Variants in BTBD9 observed in about 807,000 individuals in gnomAD.
The protein encoded by BTBD9 is BTB/POZ domain-containing protein 9.
In BTBD9, 49 loss-of-function variants were observed where a neutral mutation model predicts 64.3. The ratio of observed to expected loss-of-function variants is 0.76; its 90% CI spans 0.61 to 0.97. The LOEUF is 0.97. BTBD9 is among the 50% of genes least tolerant of loss of function. The pLI, the probability that BTBD9 is intolerant of heterozygous loss-of-function variation, is 0.00. For missense variants in BTBD9, 598 were observed against 762.1 expected, an observed-to-expected ratio of 0.78 and a Z score of 2.53; for synonymous variants, 260 against 274.7, an observed-to-expected ratio of 0.95 and a Z score of 0.53.
chr6:38,316,071 C>T (rs1451449128), intron 7 of BTBD9, among the ~76,000 whole-genome samples: 3 of 152,096 alleles, frequency 2.0e-5, no homozygotes, highest in Non-Finnish European at 4.4e-5. Flanking sequence ...TCTTATTTGT[C>T]TCTTTTTATA....
chr6:38,585,500 G>A (rs1776475241), intron 4 of BTBD9, among the ~76,000 whole-genome samples: 1 of 152,096 alleles, frequency 6.6e-6, no homozygotes, highest in Non-Finnish European at 1.5e-5. Context: ...TTTAGAGACT[G>A]CATCTCACTA....
chr6:38,369,486 G>A (rs1765329429), intron 6 of BTBD9, among the ~76,000 whole-genome samples: 2 of 152,112 alleles, frequency 1.3e-5, no homozygotes, highest in Admixed American at 6.5e-5. Flanking sequence ...GTTCACTCTA[G>A]ACGTTGTGCA....
chr6:38,417,912 C>T (rs895394367), intron 6 of BTBD9, among the ~76,000 whole-genome samples: 1 of 152,030 alleles, frequency 6.6e-6, no homozygotes, highest in African/African-American at 2.4e-5. Flanking sequence ...TTTTGGATAG[C>T]CAATCATCAC....
At position 38,169,454 on chromosome 6, in the gene BTBD9, C is replaced by T. The variant is rs1205678496; in HGVS notation, c.*5531G>A. On this transcript the variant is annotated 3_prime_UTR_variant, in exon 11 of 11. Coordinates refer to ENST00000481247, the MANE Select transcript of BTBD9 (RefSeq NM_001099272.2). ...TCCTGGGACATAAACCCCTGGGGCT[C>T]ATGTGGTGGGGAGCAATTTGGCAGC... The T allele has an allele frequency of 6.9e-6, 1 of 145,498 alleles. No homozygotes were observed. The highest frequency in any genetic ancestry group is 1.5e-5 in the Non-Finnish European group (1 of 66,192). The allele number at this position is 145,498 out of a possible 1,614,324, so 9.0% of individuals were successfully genotyped here.
intron 6 of BTBD9, among the ~76,000 whole-genome samples, chr6:38,414,618 C>A (rs1431899992): frequency 2.6e-5 from 4 of 152,206 alleles, no homozygotes; most frequent in Admixed American, 2.0e-4. Context: ...TGGTCTTCCA[C>A]CCCCACTACT....
intron 6 of BTBD9, among the ~76,000 whole-genome samples, chr6:38,347,570 G>A (rs1263303992): frequency 6.6e-6 from 1 of 152,146 alleles, no homozygotes; most frequent in Non-Finnish European, 1.5e-5. Flanking sequence ...AAAGAAAGAA[G>A]CCAAGCTCCT....
intron 9 of BTBD9, among the ~76,000 whole-genome samples, chr6:38,197,528 G>T (rs1172409361): frequency 1.3e-5 from 2 of 152,172 alleles, no homozygotes; most frequent in Non-Finnish European, 1.5e-5. Flanking sequence ...ACACACGAGT[G>T]GATCATAAGG....
intron 6 of BTBD9, among the ~76,000 whole-genome samples, chr6:38,488,224 AC>A (rs1469953059): frequency 6.6e-6 from 1 of 151,952 alleles, no homozygotes; most frequent in Non-Finnish European, 1.5e-5. Flanking sequence ...AGTGTAAGCC[AC>A]CATGCCCAGC....
intron 6 of BTBD9, among the ~76,000 whole-genome samples, chr6:38,415,147 G>GACCCTCCCCA (rs1190720303): frequency 1.0e-3 from 156 of 152,138 alleles, no homozygotes; most frequent in African/African-American, 3.6e-3. Context: ...GTAGCATAAT[G>GACCCTCCCCA]ACCCTCCCCA....
chr6:38,419,611 C>T (rs1767816175), intron 6 of BTBD9, among the ~76,000 whole-genome samples: 1 of 152,172 alleles, frequency 6.6e-6, no homozygotes, highest in South Asian at 2.1e-4. Flanking sequence ...TGGCTCATGC[C>T]TGTAATCCCA....
chr6:38,497,677 G>A (rs1772016279), intron 6 of BTBD9, among the ~76,000 whole-genome samples: 2 of 152,194 alleles, frequency 1.3e-5, no homozygotes, highest in South Asian at 4.1e-4. Context: ...AGAAGGAACT[G>A]ATGTCAAAAA....
intron 1 of BTBD9, among the ~76,000 whole-genome samples, chr6:38,604,720 A>C (rs902983174): frequency 6.6e-6 from 1 of 152,206 alleles, no homozygotes; most frequent in Non-Finnish European, 1.5e-5. Context: ...AACTCAGAAA[A>C]TTATCAGTTA....
chr6:38,284,176 A>G (rs897823651), intron 8 of BTBD9, among the ~76,000 whole-genome samples: 23 of 147,426 alleles, frequency 1.6e-4, no homozygotes, highest in African/African-American at 5.7e-4. Context: ...AATTGCATGG[A>G]TTTTTTTTTT....
chr6:38,350,308 A>T (rs577399635), intron 6 of BTBD9, among the ~76,000 whole-genome samples: 9 of 152,292 alleles, frequency 5.9e-5, no homozygotes, highest in African/African-American at 2.2e-4. Context: ...ATGCTACTAG[A>T]TTTAATTTCT....
intron 6 of BTBD9, among the ~76,000 whole-genome samples, chr6:38,519,947 T>C (rs1003155331): frequency 9.2e-5 from 14 of 152,234 alleles, no homozygotes; most frequent in Middle Eastern, 3.4e-3. Flanking sequence ...GCATCACTTA[T>C]AAGAACAAAA....
rs1425993176 is a variant in BTBD9, at chr6:38,588,259, TCAACAACTGC to T, written c.814+4307_814+4316del. 37 of 1,139,034 alleles carry T rather than the reference TCAACAACTGC, an allele frequency of 3.2e-5. No homozygotes were observed. The African/African-American group carries it at 4.4e-4, about 13-fold the overall frequency. 70.6% of individuals were successfully genotyped at this position (1,139,034 alleles called of 1,614,324 possible). ...CCAGCTCCTGCCTTTTTGGTCAGCC[TCAACAACTGC>T]CTGCTCAGCTGCCACACAGTACCAG... On this transcript the variant is annotated intron_variant, in intron 4 of 10. Coordinates refer to ENST00000481247, the MANE Select transcript of BTBD9 (RefSeq NM_001099272.2).
intron 6 of BTBD9, chr6:38,482,483 A>G (rs1303600688): frequency 6.6e-6 from 1 of 151,572 alleles, no homozygotes; most frequent in Non-Finnish European, 1.5e-5. Context: ...CACTTAAAAG[A>G]GAGAAATCAT....
At chr6:38,502,664 C>T (rs1042771104) in intron 6 of BTBD9, among the ~76,000 whole-genome samples, 2 of 152,154 alleles carry the variant, frequency 1.3e-5, no homozygotes, top group Non-Finnish European at 1.5e-5. Flanking sequence ...CTTACTCTTG[C>T]GTAACACAGA....
At chr6:38,406,750 G>C (rs955069339) in intron 6 of BTBD9, among the ~76,000 whole-genome samples, 1 of 152,108 alleles carries the variant, frequency 6.6e-6, no homozygotes, top group African/African-American at 2.4e-5. Context: ...TATTTTAATG[G>C]GGATCACACT....
Sources: gnomAD v4.1 joint callset for allele counts (sites outside exome capture counted in the v4.1 genomes callset) on GRCh38, gnomAD v4.1.1 for gene constraint, MANE v1.5 for transcripts, NCBI Gene and HGNC (gene_info 2026-07-23, HGNC 2026-07-21) for gene names.